Variants in GABBR1 observed in about 807,000 individuals in gnomAD.
The protein encoded by GABBR1 is GABA-B receptor, R1 subunit.
A neutral mutation model predicts 117.7 loss-of-function variants in GABBR1; 35 were observed. The observed-to-expected ratio is 0.30, with a 90% CI of 0.23 to 0.39. The LOEUF is 0.39. GABBR1 is among the 10% of genes least tolerant of loss of function. The pLI is 1.00. For synonymous variants in GABBR1, 442 were observed against 486.6 expected (o/e 0.91, Z 1.21); for missense variants, 709 against 1,241.8 (o/e 0.57, Z 6.45).
At position 29,611,783 on chromosome 6, in the gene GABBR1, CA is replaced by C. The variant is rs1171385161; in HGVS notation, c.1630+767del. 6.6e-6 allele frequency among the ~76,000 whole-genome samples: 1 copy of C among 152,120 alleles called. No homozygotes were observed. The highest frequency in any genetic ancestry group is 2.4e-5 in the African/African-American group (1 of 41,404). ...CTGTGTGCTAAGTTTCAAGAAAATACAATCTACAAAAGCCAAGCTATACACA... is the reference window on the plus strand; with the variant it reads ...CTGTGTGCTAAGTTTCAAGAAAATACATCTACAAAAGCCAAGCTATACACA... On this transcript the variant is annotated intron_variant, in intron 13 of 22. Transcript: ENST00000377034. The surrounding 1 kb of genome is among the most constrained non-coding windows in gnomAD (Gnocchi z 4.6).
rs890344418 is a variant in GABBR1 at position 29,627,399 on chromosome 6, G to T, written c.657+87C>A. 4.4e-6 allele frequency: 6 copies of T among 1,354,784 alleles called. No individual in the cohort carries two copies. In the African/African-American group the frequency reaches 5.9e-5, roughly 13 times the overall value. 83.9% of individuals were successfully genotyped at this position (1,354,784 alleles called of 1,614,324 possible). ...GGGTCTGCCTCGCAATCCCAGAGACGACTCAGACAGATGGGGGCGCGTGCA... is the reference window on the plus strand; with the variant it reads ...GGGTCTGCCTCGCAATCCCAGAGACTACTCAGACAGATGGGGGCGCGTGCA... On this transcript the variant is annotated intron_variant, in intron 6 of 22. Transcript: ENST00000377034. The surrounding 1 kb of genome is among the most constrained non-coding windows in gnomAD (Gnocchi z 4.4).
Position 29,606,904 on chromosome 6 carries a change from G to A in GABBR1, c.2210C>T (p.Thr737Ile), listed in dbSNP as rs781633741. ...CCTCCTCTCCAGTGGTACCTCAATG[G>A]TCCGGTGCAGAGGGTCCACGATCTG... ...IWQIVDPLHRTIETFAKEEPK... is the reference protein window; with the variant it reads ...IWQIVDPLHRIIETFAKEEPK... Residue 737 changes from threonine to isoleucine, a missense_variant, in exon 18 of 23, where the codon ACC becomes ATC. This residue lies in a region of GABBR1 where 251 missense variants were observed against 445.3 expected (regional missense o/e 0.56). Coordinates refer to ENST00000377034, the MANE Select transcript of GABBR1 (RefSeq NM_001470.4). The surrounding 1 kb of genome is among the most constrained non-coding windows in gnomAD (Gnocchi z 4.5). The A allele has an allele frequency of 1.2e-6, 2 of 1,613,752 alleles. No homozygotes were observed. The highest frequency in any genetic ancestry group is 1.7e-6 in the Non-Finnish European group (2 of 1,179,602).
rs1209212906 is a variant in GABBR1, at chr6:29,609,042, G to A, written c.1859+187C>T. Among the ~76,000 whole-genome samples the A allele has an allele frequency of 6.6e-6, 1 of 152,026 alleles. No homozygotes were observed. The highest frequency in any genetic ancestry group is 1.5e-5 in the Non-Finnish European group (1 of 68,014). On this transcript the variant is annotated intron_variant, in intron 15 of 22. Transcript: ENST00000377034. This position sits in a 1 kb window ranked among gnomAD's most constrained non-coding sequence, Gnocchi z 4.3. ...TTCTCTTCTTTTCTTTTTTCCTCCC[G>A]TTAGCTACTTTGGAGTAGGAGTGGG...
At chr6:29,625,001 G>A (rs1764127228) in intron 6 of GABBR1, among the ~76,000 whole-genome samples, 1 of 152,040 alleles carries the variant, frequency 6.6e-6, no homozygotes, top group African/African-American at 2.4e-5. Flanking sequence ...GCCAGGAGGG[G>A]AGGATAAGTA....
At chr6:29,616,846 C>CA (rs28383807) in intron 11 of GABBR1, among the ~76,000 whole-genome samples, 6,282 of 74,224 alleles carry the variant, frequency 0.085, 242 homozygotes, top group Middle Eastern at 0.17. Context: ...TACTCTACCT[C>CA]AAAAAAAAAA....
rs1426540724 is a variant in GABBR1, at chr6:29,623,852, G to A, written c.792+38C>T. ...CGTCCCTTCAGTAGAGCTCAAAAGG[G>A]AATGACCCCATCTTCTGACCCCCAT... is the stretch of plus-strand genomic sequence containing the variant. On this transcript the variant is annotated intron_variant, in intron 7 of 22. Coordinates refer to ENST00000377034, the MANE Select transcript of GABBR1 (RefSeq NM_001470.4). This position sits in a 1 kb window ranked among gnomAD's most constrained non-coding sequence, Gnocchi z 6.2. The A allele has an allele frequency of 8.7e-6, 14 of 1,601,840 alleles. No homozygotes were observed. Among genetic ancestry groups the A allele is most frequent in the Non-Finnish European group, 1.2e-5 (14 of 1,174,082 alleles).
rs1764487722 is a variant in GABBR1 at position 29,627,880 on chromosome 6, G to A, written c.497-234C>T. 7.3e-7 allele frequency: 1 copy of A among 1,366,618 alleles called. No individual in the cohort carries two copies. The highest frequency in any genetic ancestry group is 9.4e-7 in the Non-Finnish European group (1 of 1,068,060). The allele number at this position is 1,366,618 out of a possible 1,614,324, so 84.7% of individuals were successfully genotyped here. ...GGAGGGCTGCTAAGAGGGTGCCGGGGAGGCGCCTCCATCCCTGATTTTGTG... is the reference window on the plus strand; with the variant it reads ...GGAGGGCTGCTAAGAGGGTGCCGGGAAGGCGCCTCCATCCCTGATTTTGTG... On this transcript the variant is annotated intron_variant, in intron 5 of 22. Coordinates refer to ENST00000377034, the MANE Select transcript of GABBR1 (RefSeq NM_001470.4). This position sits in a 1 kb window ranked among gnomAD's most constrained non-coding sequence, Gnocchi z 4.4.
Position 29,606,150 on chromosome 6 carries a change from T to C in GABBR1, c.2311+241A>G. The C allele has an allele frequency of 1.8e-6, 1 of 568,816 alleles. No individual in the cohort carries two copies. Among genetic ancestry groups the C allele is most frequent in the Middle Eastern group, 4.6e-4 (1 of 2,152 alleles). The allele number at this position is 568,816 out of a possible 1,614,324, so 35.2% of individuals were successfully genotyped here. On this transcript the variant is annotated intron_variant, in intron 19 of 22. Transcript: ENST00000377034. This position sits in a 1 kb window ranked among gnomAD's most constrained non-coding sequence, Gnocchi z 4.5. ...GGGTTACCCCCACTTGTTCCTCTGC[T>C]GAACACAAGTTCTTCATCTGTGCTT...
Position 29,604,935 on chromosome 6 carries a change from A to G in GABBR1, c.2493T>C (p.Asp831=). 6.2e-7 allele frequency: 1 copy of G among 1,613,166 alleles called. No individual in the cohort carries two copies. The highest frequency in any genetic ancestry group is 1.1e-5 in the South Asian group (1 of 91,072). ...CAAGAGAGGCAAAGGCAAAGGCTGCATCCTGCTGGCTGGACAGAATCATGG... is the reference window on the plus strand; with the variant it reads ...CAAGAGAGGCAAAGGCAAAGGCTGCGTCCTGCTGGCTGGACAGAATCATGG... The part of the protein sequence containing the change: ...PVTMILSSQQ[D]AAFAFASLAI... Residue 831 remains aspartate, a synonymous_variant, in exon 21 of 23, where the codon GAT becomes GAC. Coordinates refer to ENST00000377034, the MANE Select transcript of GABBR1 (RefSeq NM_001470.4). This position sits in a 1 kb window ranked among gnomAD's most constrained non-coding sequence, Gnocchi z 5.3.
chr6:29,632,403 A>G lies in GABBR1; in HGVS notation c.1-18T>C, dbSNP rs1765092142. On this transcript the variant is annotated intron_variant, in intron 1 of 22. Coordinates refer to ENST00000377034, the MANE Select transcript of GABBR1 (RefSeq NM_001470.4). This position sits in a 1 kb window ranked among gnomAD's most constrained non-coding sequence, Gnocchi z 5.8. ...AGCAACATCTAAGTGAGAGGCGGCC[A>G]TGAGGACTGGACCGAGCCCCGCCGG... The G allele has an allele frequency of 7.5e-7, 1 of 1,338,600 alleles. No individual in the cohort carries two copies. Among genetic ancestry groups the G allele is most frequent in the South Asian group, 2.0e-5 (1 of 50,550 alleles). 82.9% of individuals were successfully genotyped at this position (1,338,600 alleles called of 1,614,324 possible).
chr6:29,607,386 G>C lies in GABBR1; in HGVS notation c.1993-168C>G, dbSNP rs1277399764. The stretch of plus-strand genomic sequence containing the variant: ...AGCAGGACGGGGAGCGGCAGGAGGA[G>C]AGCAGTCTCCCCACCTTGAACAATT... On this transcript the variant is annotated intron_variant, in intron 16 of 22. Coordinates refer to ENST00000377034, the MANE Select transcript of GABBR1 (RefSeq NM_001470.4). This position sits in a 1 kb window ranked among gnomAD's most constrained non-coding sequence, Gnocchi z 5.0. 6.6e-6 allele frequency among the ~76,000 whole-genome samples: 1 copy of C among 152,104 alleles called. No homozygotes were observed. Among genetic ancestry groups the C allele is most frequent in the East Asian group, 1.9e-4 (1 of 5,184 alleles).
At chr6:29,618,977 A>C (rs2127425172) in intron 11 of GABBR1, among the ~76,000 whole-genome samples, 1 of 152,222 alleles carries the variant, frequency 6.6e-6, no homozygotes, top group South Asian at 2.1e-4. Flanking sequence ...GAAAACCACT[A>C]CCCTAACTAA....
In GABBR1 at chr6:29,621,840, T is replaced by C; in HGVS notation, c.1066-23A>G. 6.2e-7 allele frequency: 1 copy of C among 1,613,080 alleles called. No individual in the cohort carries two copies. The highest frequency in any genetic ancestry group is 8.5e-7 in the Non-Finnish European group (1 of 1,179,132). On this transcript the variant is annotated intron_variant, in intron 9 of 22. Transcript: ENST00000377034. This position sits in a 1 kb window ranked among gnomAD's most constrained non-coding sequence, Gnocchi z 5.0. ...GCGCTACAACAGAGAAAGAAACAGC[T>C]CCTGAGGGATGCCCGGGAATGCCTG... is the stretch of plus-strand genomic sequence containing the variant.
At position 29,608,703 on chromosome 6, in the gene GABBR1, G is replaced by A; in HGVS notation, c.1890C>T (p.Asn630=). The change falls in exon 16 of 23, where the codon AAC becomes AAT. Residue 630 remains asparagine, a synonymous_variant. Transcript: ENST00000377034. ...RYIQNSQPNL[N]NLTAVGCSLA... ...GTGAGCAGCCCACAGCAGTCAGGTT[G>A]TTCAGGTTGGGCTGTGAGTTCTGGA... 2 of 1,613,128 alleles carry A rather than the reference G, an allele frequency of 1.2e-6. No homozygotes were observed. The highest frequency in any genetic ancestry group is 1.7e-6 in the Non-Finnish European group (2 of 1,180,036).
chr6:29,603,744 T>C (rs1438982078), intron 22 of GABBR1, 28 bp from the exon 23 acceptor site: 3 of 1,428,012 alleles, frequency 2.1e-6, no homozygotes, highest in East Asian at 2.5e-5. Context: ...ATTGGGATAG[T>C]AGGAGAAGAG....
In GABBR1 at chr6:29,627,747, C is replaced by A. The variant is rs1197824537; in HGVS notation, c.497-101G>T. ...CCCCTGCCGCCATCACAACCAGAAG[C>A]GGCAGTGGCCACCCCACCCGGGCAA... is the stretch of plus-strand genomic sequence containing the variant. On this transcript the variant is annotated intron_variant, in intron 5 of 22. Transcript: ENST00000377034. This position sits in a 1 kb window ranked among gnomAD's most constrained non-coding sequence, Gnocchi z 4.4. 1 of 1,497,024 alleles carries A rather than the reference C, an allele frequency of 6.7e-7. No homozygotes were observed. Among genetic ancestry groups the A allele is most frequent in the Non-Finnish European group, 8.9e-7 (1 of 1,127,580 alleles). The allele number at this position is 1,497,024 out of a possible 1,614,324, so 92.7% of individuals were successfully genotyped here.
At position 29,621,506 on chromosome 6, in the gene GABBR1, A is replaced by G. The variant is rs1450183394; in HGVS notation, c.1132-214T>C. On this transcript the variant is annotated intron_variant, in intron 10 of 22. Transcript: ENST00000377034. The surrounding 1 kb of genome is among the most constrained non-coding windows in gnomAD (Gnocchi z 5.0). ...TATTTCTGAGTGGCCTTTTCCAGCC[A>G]GTCAGGACAGATGGAATTCATGGGC... Among the ~76,000 whole-genome samples, 1 of 152,192 alleles carries G rather than the reference A, an allele frequency of 6.6e-6. No individual in the cohort carries two copies. Among genetic ancestry groups the G allele is most frequent in the Non-Finnish European group, 1.5e-5 (1 of 68,034 alleles).
At position 29,605,796 on chromosome 6, in the gene GABBR1, G is replaced by A. The variant is rs1761886283; in HGVS notation, c.2312-100C>T. The A allele has an allele frequency of 3.5e-6, 5 of 1,439,372 alleles. No homozygotes were observed. In the Admixed American group the frequency reaches 8.0e-5, roughly 23 times the overall value. 89.2% of individuals were successfully genotyped at this position (1,439,372 alleles called of 1,614,324 possible). A position where few individuals can be genotyped will look rare whatever the true frequency, so the allele number is the denominator to read the frequency against. On this transcript the variant is annotated intron_variant, in intron 19 of 22. Coordinates refer to ENST00000377034, the MANE Select transcript of GABBR1 (RefSeq NM_001470.4). The surrounding 1 kb of genome is among the most constrained non-coding windows in gnomAD (Gnocchi z 4.2). ...CCCTTCACCTACTCTGAAATGGAAAGGGGGCCCTCCTCTCCAATCCAACCC... is the reference window on the plus strand; with the variant it reads ...CCCTTCACCTACTCTGAAATGGAAAAGGGGCCCTCCTCTCCAATCCAACCC...
At position 29,631,913 on chromosome 6, in the gene GABBR1, TA is replaced by T. The variant is rs3215531; in HGVS notation, c.86-315del. ...ATGATATGTGGGTGGAGCTTTTCTT[TA>T]AAAAAAAAGGCTAAATGAGGATATT... On this transcript the variant is annotated intron_variant, in intron 2 of 22. Coordinates refer to ENST00000377034, the MANE Select transcript of GABBR1 (RefSeq NM_001470.4). This position sits in a 1 kb window ranked among gnomAD's most constrained non-coding sequence, Gnocchi z 5.9. Among the ~76,000 whole-genome samples, 21,982 of 150,254 alleles carry T rather than the reference TA, an allele frequency of 0.15. 1,677 individuals are homozygous for T. Among genetic ancestry groups the T allele is most frequent in the East Asian group, 0.23 (1,179 of 5,080 alleles).
Sources: gnomAD v4.1 joint callset for allele counts (sites outside exome capture counted in the v4.1 genomes callset) on GRCh38, gnomAD v4.1.1 for gene constraint, gnomAD v4.1.1 regional missense constraint, Gnocchi (gnomAD v3.1) non-coding constraint, MANE v1.5 for transcripts, NCBI Gene and HGNC (gene_info 2026-07-23, HGNC 2026-07-21) for gene names.